GPM6B: variants seen among roughly 807,000 people sequenced by gnomAD.
GPM6B encodes neuronal membrane glycoprotein M6-b.
In GPM6B, 4 loss-of-function variants were observed where a neutral mutation model predicts 27.2. The ratio of observed to expected loss-of-function variants is 0.15; its 90% CI spans 0.07 to 0.34. The LOEUF is 0.34. Ranked by LOEUF, GPM6B falls within the 10% of genes least tolerant of loss-of-function variation. The probability of loss-of-function intolerance (pLI) is 1.00; values close to 1 mark genes in which losing one functional copy is unlikely to be tolerated. For synonymous variants in GPM6B, 124 were observed against 103.1 expected, an observed-to-expected ratio of 1.20 and a Z score of -1.23; for missense variants, 183 against 261.9, an observed-to-expected ratio of 0.70 and a Z score of 2.08.
At chrX:13,796,035 T>A (rs2048809089) in intron 2 of GPM6B, among the ~76,000 whole-genome samples, 1 of 111,836 alleles carries the variant, frequency 8.9e-6, no homozygotes, top group African/African-American at 3.3e-5. Flanking sequence ...CAAGCGATTC[T>A]CCTGCCTCAG....
chrX:13,843,523 G>C (rs2049606131), intron 1 of GPM6B, among the ~76,000 whole-genome samples: 1 of 112,255 alleles, frequency 8.9e-6, no homozygotes, highest in African/African-American at 3.2e-5. Context: ...CTGCCATTAT[G>C]TTTTCCAAAG....
Position 13,773,025 on chromosome X carries a change from G to A in GPM6B, c.843C>T (p.His281=), listed in dbSNP as rs1196384425. The change falls in exon 8 of 8, where the codon CAC becomes CAT. Residue 281 remains histidine, a synonymous_variant. Coordinates refer to ENST00000316715, the MANE Select transcript of GPM6B (RefSeq NM_001001995.3). ...AGTTAGAAGACAGTATCATGAGGAA[G>A]TGGATCTGGAAGAGAAGGGTGAGCA... ...GAGATVIALI[H]FLMILSSNWA... is the part of the protein sequence containing the mutation. The A allele has an allele frequency of 1.7e-6, 2 of 1,207,978 alleles. No individual in the cohort carries two copies. The highest frequency in any genetic ancestry group is 2.2e-5 in the Admixed American group (1 of 45,680).
chrX:13,776,217 G>A (rs778334928), intron 7 of GPM6B, 21 bp downstream of exon 7: 4 of 1,176,975 alleles, frequency 3.4e-6, no homozygotes, highest in Non-Finnish European at 4.6e-6. Flanking sequence ...AGACTAGGGT[G>A]GTCTTGGGGC....
chrX:13,840,675 C>T (rs2049562008), intron 1 of GPM6B, among the ~76,000 whole-genome samples: 2 of 110,679 alleles, frequency 1.8e-5, no homozygotes, highest in South Asian at 7.7e-4. Flanking sequence ...TCAAAAGGCT[C>T]CTCTCTCTCC....
intron 2 of GPM6B, among the ~76,000 whole-genome samples, chrX:13,803,831 G>T (rs1413347908): frequency 9.0e-6 from 1 of 111,621 alleles, no homozygotes; most frequent in African/African-American, 3.3e-5. Flanking sequence ...GCAGGTAAGA[G>T]AAGCAAGGTC....
upstream of GPM6B, chrX:13,817,203 C>T (rs779068758): frequency 6.1e-5 from 51 of 832,536 alleles, no homozygotes; most frequent in African/African-American, 9.6e-4. Flanking sequence ...AGTCTCAATG[C>T]GGCTCCAGTG....
intron 1 of GPM6B, among the ~76,000 whole-genome samples, chrX:13,908,535 T>A (rs1356121891): frequency 1.8e-5 from 2 of 112,135 alleles, no homozygotes; most frequent in African/African-American, 6.5e-5. Flanking sequence ...GACAACTCAA[T>A]GCCATGTGAG....
chrX:13,822,840 T>A (rs2049326753), intron 1 of GPM6B, among the ~76,000 whole-genome samples: 1 of 112,045 alleles, frequency 8.9e-6, no homozygotes, highest in Non-Finnish European at 1.9e-5. Flanking sequence ...GTAGCAACGA[T>A]ATTCAACATA....
At chrX:13,820,675 T>C (rs970129796), upstream of GPM6B, among the ~76,000 whole-genome samples, 1 of 111,288 alleles carries the variant, frequency 9.0e-6, no homozygotes, top group Non-Finnish European at 1.9e-5. Context: ...TTGAGTTTCA[T>C]CATAGCTTTA....
chrX:13,899,556 G>A (rs1418226717), intron 1 of GPM6B, among the ~76,000 whole-genome samples: 1 of 110,507 alleles, frequency 9.0e-6, no homozygotes, highest in East Asian at 2.8e-4. Flanking sequence ...TGGATGGATT[G>A]TCAGCAGCAA....
intron 1 of GPM6B, among the ~76,000 whole-genome samples, chrX:13,899,005 A>G (rs1569294009): frequency 1.8e-5 from 2 of 112,154 alleles, no homozygotes; most frequent in Admixed American, 1.9e-4. Flanking sequence ...GATCACCCCA[A>G]TAGGATGAAA....
intron 1 of GPM6B, among the ~76,000 whole-genome samples, chrX:13,853,555 G>A (rs2049744190): frequency 1.1e-5 from 1 of 90,514 alleles, no homozygotes; most frequent in Non-Finnish European, 2.1e-5. Flanking sequence ...AGTGAGCTGA[G>A]GTTACTCCCT....
intron 1 of GPM6B, among the ~76,000 whole-genome samples, chrX:13,853,029 G>A (rs775870168): frequency 9.0e-6 from 1 of 111,015 alleles, no homozygotes; most frequent in South Asian, 3.9e-4. Flanking sequence ...CTGGATCAAA[G>A]GGTCAATGAA....
At chrX:13,821,020 T>C (rs766925968), upstream of GPM6B, among the ~76,000 whole-genome samples, 2 of 111,385 alleles carry the variant, frequency 1.8e-5, no homozygotes, top group African/African-American at 3.3e-5. Flanking sequence ...AGTGGAATCA[T>C]GAAATTCGAG....
At chrX:13,852,948 A>T (rs770920067) in intron 1 of GPM6B, among the ~76,000 whole-genome samples, 1 of 109,626 alleles carries the variant, frequency 9.1e-6, no homozygotes, top group South Asian at 4.0e-4. Flanking sequence ...GCCCAGCCAA[A>T]AACCTTTTAT....
Position 13,785,759 on chromosome X carries a change from G to C in GPM6B, c.231C>G (p.Ser77=). 1 of 1,211,132 alleles carries C rather than the reference G, an allele frequency of 8.3e-7. No individual in the cohort carries two copies. The highest frequency in any genetic ancestry group is 1.1e-6 in the Non-Finnish European group (1 of 895,002). The part of the protein sequence containing the change: ...IKCLGGVPYA[S]LVATILCFSG... The stretch of plus-strand genomic sequence containing the variant: ...AGAAGCAGAGGATGGTGGCCACCAG[G>C]GAGGCGTAGGGGACTCCTCCCAGAC... The change falls in exon 3 of 8, where the codon TCC becomes TCG. Residue 77 remains serine (S), a synonymous_variant. Transcript: ENST00000316715.
upstream of GPM6B, chrX:13,817,315 C>G: frequency 1.3e-6 from 1 of 759,429 alleles, no homozygotes; most frequent in African/African-American, 2.3e-5. Context: ...CTCTCTCTCT[C>G]TCTCTTTCTC....
At chrX:13,862,061 G>A (rs776418513) in intron 1 of GPM6B, among the ~76,000 whole-genome samples, 3 of 111,009 alleles carry the variant, frequency 2.7e-5, no homozygotes, top group Middle Eastern at 4.6e-3. Context: ...GTAAATGTGC[G>A]TGGGTGGGGG....
At chrX:13,831,763 C>T (rs1159610892) in intron 1 of GPM6B, among the ~76,000 whole-genome samples, 1 of 111,798 alleles carries the variant, frequency 8.9e-6, no homozygotes, top group Non-Finnish European at 1.9e-5. Context: ...CCTCTCAAAG[C>T]AGTTACACTG....
Sources: allele counts gnomAD v4.1 joint callset (sites outside exome capture counted in the v4.1 genomes callset), GRCh38; gene constraint gnomAD v4.1.1; transcripts MANE v1.5; gene names NCBI Gene and HGNC (gene_info 2026-07-23, HGNC 2026-07-21).